The following WWOX variants were observed in gnomAD, a reference collection of about 807,000 sequenced individuals.
WWOX encodes WW domain containing oxidoreductase, also known as WW domain-containing oxidoreductase.
A neutral mutation model predicts 46.2 loss-of-function variants in WWOX; 69 were observed. That is an observed-to-expected ratio of 1.49 (90% CI 1.23 to 1.82). The LOEUF is 1.82. WWOX is among the 40% of genes most tolerant of loss of function. WWOX has a pLI of 0.00. For missense variants in WWOX, 919 were observed against 542.6 expected (o/e 1.69, Z -6.89); for synonymous variants, 359 against 202.6 (o/e 1.77, Z -6.56).
At chr16:78,743,099 GTC>G (rs2049270047) in intron 8 of WWOX, among the ~76,000 whole-genome samples, 1 of 151,972 alleles carries the variant, frequency 6.6e-6, no homozygotes, top group Non-Finnish European at 1.5e-5. Flanking sequence ...GGAAACATCC[GTC>G]TCTCTCCTTG....
intron 8 of WWOX, among the ~76,000 whole-genome samples, chr16:78,612,081 T>C (rs560549937): frequency 6.6e-6 from 1 of 152,304 alleles, no homozygotes; most frequent in African/African-American, 2.4e-5. Context: ...TAGGATTCTT[T>C]AGTGTTGGTA....
chr16:79,110,001 G>A (rs1014414003), intron 8 of WWOX, among the ~76,000 whole-genome samples: 7 of 152,134 alleles, frequency 4.6e-5, no homozygotes, highest in Non-Finnish European at 8.8e-5. Context: ...CCGTTATGTC[G>A]CAAGGGCTTT....
intron 8 of WWOX, among the ~76,000 whole-genome samples, chr16:79,025,420 C>T (rs532381057): frequency 6.6e-6 from 1 of 152,108 alleles, no homozygotes; most frequent in Non-Finnish European, 1.5e-5. Flanking sequence ...TGGGTGGACC[C>T]TAAATCCAAT....
At chr16:78,573,021 C>G (rs994336276) in intron 8 of WWOX, among the ~76,000 whole-genome samples, 1 of 152,206 alleles carries the variant, frequency 6.6e-6, no homozygotes, top group African/African-American at 2.4e-5. Flanking sequence ...GGCACGGTGG[C>G]TCACGCCTGT....
intron 8 of WWOX, among the ~76,000 whole-genome samples, chr16:79,061,838 C>T (rs182441726): frequency 3.3e-4 from 51 of 152,306 alleles, no homozygotes; most frequent in African/African-American, 1.2e-3. Flanking sequence ...ATACTCACCA[C>T]CTCCTGACAA....
intron 5 of WWOX, among the ~76,000 whole-genome samples, chr16:78,280,491 C>T (rs564422883): frequency 2.0e-5 from 3 of 152,108 alleles, no homozygotes; most frequent in Non-Finnish European, 2.9e-5. Context: ...ATGCTTGAGA[C>T]TGGGTAATTT....
At chr16:78,195,829 A>AG (rs1050445623) in intron 5 of WWOX, among the ~76,000 whole-genome samples, 1 of 150,370 alleles carries the variant, frequency 6.7e-6, no homozygotes, top group Non-Finnish European at 1.5e-5. Context: ...CTCAAAAAAA[A>AG]AAAAAAAAAA....
chr16:78,377,549 T>C (rs1437863465), intron 5 of WWOX, among the ~76,000 whole-genome samples: 1 of 152,190 alleles, frequency 6.6e-6, no homozygotes, highest in Non-Finnish European at 1.5e-5. Context: ...GAAAAAAAGC[T>C]CTTACTTCAA....
At chr16:78,767,267 A>T (rs1037175001) in intron 8 of WWOX, among the ~76,000 whole-genome samples, 1 of 151,684 alleles carries the variant, frequency 6.6e-6, no homozygotes, top group Non-Finnish European at 1.5e-5. Context: ...GGTGCATGCC[A>T]CCATGCCTGG....
chr16:78,847,990 T>C (rs2052344760), intron 8 of WWOX, among the ~76,000 whole-genome samples: 1 of 151,702 alleles, frequency 6.6e-6, no homozygotes, highest in African/African-American at 2.4e-5. Context: ...AAAGGGAGAG[T>C]GGTTGCCCCA....
At chr16:78,603,316 C>T (rs1333104593) in intron 8 of WWOX, among the ~76,000 whole-genome samples, 1 of 152,222 alleles carries the variant, frequency 6.6e-6, no homozygotes, top group Non-Finnish European at 1.5e-5. Context: ...CTCTCACCAG[C>T]ATCAACTGCA....
intron 8 of WWOX, among the ~76,000 whole-genome samples, chr16:79,030,682 T>C (rs1056867049): frequency 6.6e-6 from 1 of 152,236 alleles, no homozygotes; most frequent in African/African-American, 2.4e-5. Flanking sequence ...CTTGAAATCT[T>C]GGGCTCACCG....
intron 8 of WWOX, among the ~76,000 whole-genome samples, chr16:78,567,906 C>T (rs1474039983): frequency 6.6e-6 from 1 of 152,176 alleles, no homozygotes; most frequent in African/African-American, 2.4e-5. Flanking sequence ...AAGCACCCTG[C>T]TGCCCTTGTT....
intron 8 of WWOX, among the ~76,000 whole-genome samples, chr16:78,960,349 C>T (rs893452413): frequency 3.9e-5 from 6 of 152,176 alleles, no homozygotes; most frequent in Non-Finnish European, 5.9e-5. Flanking sequence ...AAACTAAGTC[C>T]GTGTTTGTTG....
At chr16:79,153,261 C>CAG (rs2050316696) in intron 8 of WWOX, among the ~76,000 whole-genome samples, 1 of 152,124 alleles carries the variant, frequency 6.6e-6, no homozygotes, top group African/African-American at 2.4e-5. Flanking sequence ...CCCAGTCCTA[C>CAG]CTGACTTCCT....
At chr16:78,261,797 T>TCTATCTATCTATCTAG (rs1567464750) in intron 5 of WWOX, among the ~76,000 whole-genome samples, 41 of 65,158 alleles carry the variant, frequency 6.3e-4, no homozygotes, top group African/African-American at 2.4e-3. Context: ...TCTATATATA[T>TCTATCTATCTATCTAG]ATATATATAT....
chr16:78,583,114 T>C (rs2045104048), intron 8 of WWOX, among the ~76,000 whole-genome samples: 1 of 152,212 alleles, frequency 6.6e-6, no homozygotes, highest in Non-Finnish European at 1.5e-5. Context: ...AGTGAATCTT[T>C]TGTTTTCGAA....
intron 8 of WWOX, among the ~76,000 whole-genome samples, chr16:79,071,096 C>T (rs1465890840): frequency 1.3e-5 from 2 of 152,144 alleles, no homozygotes; most frequent in East Asian, 1.9e-4. Context: ...TTATGATTCC[C>T]ATTTATTCCA....
At chr16:78,571,244 A>T (rs1412752304) in intron 8 of WWOX, among the ~76,000 whole-genome samples, 2 of 152,158 alleles carry the variant, frequency 1.3e-5, no homozygotes, top group Non-Finnish European at 2.9e-5. Flanking sequence ...GTGTTGCTTA[A>T]ATAGATTTTT....
Sources: allele counts gnomAD v4.1 joint callset (sites outside exome capture counted in the v4.1 genomes callset), GRCh38; gene constraint gnomAD v4.1.1; transcripts MANE v1.5; gene names NCBI Gene and HGNC (gene_info 2026-07-23, HGNC 2026-07-21).